The following MAG variants were observed in gnomAD, a reference collection of about 807,000 sequenced individuals.
MAG encodes myelin-associated glycoprotein.
A neutral mutation model predicts 60.7 loss-of-function variants in MAG; 30 were observed. The observed-to-expected ratio is 0.49, with a 90% CI of 0.37 to 0.67. MAG has a LOEUF of 0.67. Ranked by LOEUF, MAG falls within the 30% of genes least tolerant of loss-of-function variation. MAG has a pLI of 0.00. For synonymous variants in MAG, 384 were observed against 376.8 expected (o/e 1.02, Z -0.22); for missense variants, 795 against 851.7 (o/e 0.93, Z 0.83).
chr19:35,309,906 G>A lies in MAG; in HGVS notation c.1264G>A (p.Ala422Thr), dbSNP rs767621691. Residue 422 changes from alanine (A) to threonine (T), a missense_variant, in exon 8 of 11, where the codon GCG becomes ACG. Ala to Thr is a moderately conservative substitution (Grantham distance 58). Coordinates refer to ENST00000392213, the MANE Select transcript of MAG (RefSeq NM_002361.4). ...TGTGCTCCTCCTGGAGTCCCACTGC[G>A]CGGCAGCCCGAGACACGGTGCAGTG... ...APVLLLESHCAAARDTVQCLC... is the reference protein window; with the variant it reads ...APVLLLESHCTAARDTVQCLC... The A allele has an allele frequency of 3.7e-6, 6 of 1,612,990 alleles. No homozygotes were observed. In the Admixed American group the frequency reaches 6.7e-5, roughly 18 times the overall value.
Position 35,299,770 on chromosome 19 carries a change from A to G in MAG, c.632A>G (p.Asn211Ser), listed in dbSNP as rs2066432706. Residue 211 changes from asparagine (N) to serine (S), a missense_variant, in exon 5 of 11, where the codon AAC (asparagine) becomes AGC (serine). Transcript: ENST00000392213. ...LLHFVPTREA[N>S]GHRLGCQASF... ...CACTTCGTGCCCACGAGGGAGGCCA[A>G]CGGCCACAGGCTGGGCTGCCAGGCC... 6.5e-7 allele frequency: 1 copy of G among 1,550,108 alleles called. No individual in the cohort carries two copies. The highest frequency in any genetic ancestry group is 8.7e-7 in the Non-Finnish European group (1 of 1,151,612).
chr19:35,306,884 T>C (rs898095365), intron 7 of MAG, among the ~76,000 whole-genome samples: 2 of 152,214 alleles, frequency 1.3e-5, no homozygotes, highest in Non-Finnish European at 2.9e-5. Context: ...ACCCAGCCAG[T>C]AGATGGCAGA....
At position 35,299,803 on chromosome 19, in the gene MAG, C is replaced by T; in HGVS notation, c.665C>T (p.Pro222Leu). The T allele has an allele frequency of 6.5e-7, 1 of 1,539,288 alleles. No homozygotes were observed. Among genetic ancestry groups the T allele is most frequent in the Non-Finnish European group, 8.7e-7 (1 of 1,147,268 alleles). ...GHRLGCQASF[P>L]NTTLQFEGYA... ...AGGCTGGGCTGCCAGGCCTCCTTCC[C>T]CAACACCACCCTGCAGTTCGAGGGC... The change falls in exon 5 of 11, where the codon CCC becomes CTC. Residue 222 changes from proline to leucine, a missense_variant. Transcript: ENST00000392213.
chr19:35,313,192 G>T, intron 10 of MAG, 98 bp from the exon 11 acceptor site: 1 of 1,333,986 alleles, frequency 7.5e-7, no homozygotes, highest in Non-Finnish European at 1.0e-6. Context: ...ATTTATTTGG[G>T]ACTGAACTCA....
At chr19:35,298,194 A>G (rs2066417294) in intron 4 of MAG, among the ~76,000 whole-genome samples, 3 of 150,032 alleles carry the variant, frequency 2.0e-5, no homozygotes, top group African/African-American at 7.4e-5. Context: ...ACTACACCCT[A>G]TACACACTAC....
intron 4 of MAG, among the ~76,000 whole-genome samples, chr19:35,299,334 A>G (rs2066428246): frequency 6.6e-6 from 1 of 152,178 alleles, no homozygotes; most frequent in Non-Finnish European, 1.5e-5. Context: ...TGTGATTTTC[A>G]TTACGATGGC....
chr19:35,313,478 G>A lies in MAG; in HGVS notation c.*24G>A, dbSNP rs991513566. On this transcript the variant is annotated 3_prime_UTR_variant, in exon 11 of 11. Transcript: ENST00000392213. ...GAAGGAGCTGGGGGCAGCCTGCGTG[G>A]CTGACCCCCCTCAGGACCCTCGCTG... 1.9e-6 allele frequency: 3 copies of A among 1,597,080 alleles called. No individual in the cohort carries two copies. The highest frequency in any genetic ancestry group is 2.6e-6 in the Non-Finnish European group (3 of 1,172,622).
chr19:35,294,069 C>G (rs1450534053), intron 1 of MAG, among the ~76,000 whole-genome samples, 166 bp from the exon 2 acceptor site: 1 of 151,670 alleles, frequency 6.6e-6, no homozygotes, highest in Non-Finnish European at 1.5e-5. Context: ...GGAGTTGTTG[C>G]CAGAGAGTGG....
chr19:35,300,284 G>A lies in MAG; in HGVS notation c.850G>A (p.Val284Met), dbSNP rs146955682. 37 of 1,599,426 alleles carry A rather than the reference G, an allele frequency of 2.3e-5. No individual in the cohort carries two copies. The African/African-American group carries it at 4.5e-4, about 20-fold the overall frequency. ...GGACGGGACAGTCCTCCGGGAGGCG[G>A]TGGCCGAGAGCCTGCTCCTGGAGCT... ...MRDGTVLREA[V>M]AESLLLELEE... The change falls in exon 6 of 11, where the codon GTG (valine) becomes ATG (methionine). Residue 284 changes from valine (V) to methionine (M), a missense_variant. Coordinates refer to ENST00000392213, the MANE Select transcript of MAG (RefSeq NM_002361.4).
intron 2 of MAG, among the ~76,000 whole-genome samples, chr19:35,294,632 C>T (rs904587846): frequency 6.6e-6 from 1 of 152,184 alleles, no homozygotes; most frequent in African/African-American, 2.4e-5. Context: ...GTAATAGCAG[C>T]AGGCTGGGTG....
chr19:35,299,868 C>A lies in MAG; in HGVS notation c.712+18C>A. 1.5e-5 allele frequency: 2 copies of A among 133,182 alleles called. No homozygotes were observed. Among genetic ancestry groups the A allele is most frequent in the Non-Finnish European group, 2.1e-5 (2 of 97,486 alleles). 8.3% of individuals were successfully genotyped at this position (133,182 alleles called of 1,614,324 possible). ...CGTCAAGTGTGAGCCTGGGTGCGGGCGGGGCGGGGTGGGGCGGGGTGGGGC... is the reference window on the plus strand; with the variant it reads ...CGTCAAGTGTGAGCCTGGGTGCGGGAGGGGCGGGGTGGGGCGGGGTGGGGC... On this transcript the variant is annotated intron_variant, in intron 5 of 10. Coordinates refer to ENST00000392213, the MANE Select transcript of MAG (RefSeq NM_002361.4).
rs142036180 is a variant in MAG, at chr19:35,310,098, G to A, written c.1456G>A (p.Val486Ile). The part of the protein sequence containing the change: ...LRGQAQAPPR[V>I]ICTARNLYGA... ...GGGGCAGGCCCAGGCCCCGCCCCGC[G>A]TCATCTGCACCGCGAGGAACCTCTA... The change falls in exon 8 of 11, where the codon GTC becomes ATC. Residue 486 changes from valine to isoleucine, a missense_variant. Val to Ile is a conservative substitution (Grantham distance 29). Coordinates refer to ENST00000392213, the MANE Select transcript of MAG (RefSeq NM_002361.4). The A allele has an allele frequency of 1.4e-5, 23 of 1,612,780 alleles. No individual in the cohort carries two copies. Among genetic ancestry groups the A allele is most frequent in the African/African-American group, 2.7e-5 (2 of 74,920 alleles).
intron 1 of MAG, among the ~76,000 whole-genome samples, chr19:35,294,024 C>T (rs1362017111): frequency 6.6e-6 from 1 of 152,120 alleles, no homozygotes; most frequent in African/African-American, 2.4e-5. Flanking sequence ...GTTCCCCCTT[C>T]CCTCCCCACA....
At chr19:35,309,516 G>GATCC (rs2066509149) in intron 7 of MAG, among the ~76,000 whole-genome samples, 1 of 152,104 alleles carries the variant, frequency 6.6e-6, no homozygotes, top group Non-Finnish European at 1.5e-5. Context: ...GACCTCAAGT[G>GATCC]ATCCACTCAC....
chr19:35,313,491 A>G lies in MAG; in HGVS notation c.*37A>G, dbSNP rs1377088893. ...GCAGCCTGCGTGGCTGACCCCCCTCAGGACCCTCGCTGGCCCCCACTGGCT... is the reference window on the plus strand; with the variant it reads ...GCAGCCTGCGTGGCTGACCCCCCTCGGGACCCTCGCTGGCCCCCACTGGCT... On this transcript the variant is annotated 3_prime_UTR_variant, in exon 11 of 11. Coordinates refer to ENST00000392213, the MANE Select transcript of MAG (RefSeq NM_002361.4). 1.3e-6 allele frequency: 2 copies of G among 1,572,504 alleles called. No individual in the cohort carries two copies. Among genetic ancestry groups the G allele is most frequent in the South Asian group, 1.2e-5 (1 of 86,724 alleles).
Position 35,295,893 on chromosome 19 carries a change from C to CGAGCTG in MAG, c.329_334dup (p.Glu110_Leu111dup), listed in dbSNP as rs1334174383. ...CCCTCCTGCTCAGCAACGTCAGCCC[C>CGAGCTG]GAGCTGGGCGGGAAGTACTACTTCC... On this transcript the variant is annotated inframe_insertion, in exon 4 of 11. Coordinates refer to ENST00000392213, the MANE Select transcript of MAG (RefSeq NM_002361.4). The surrounding 1 kb of genome is among the most constrained non-coding windows in gnomAD (Gnocchi z 5.8). The CGAGCTG allele has an allele frequency of 1.2e-6, 2 of 1,613,908 alleles. No homozygotes were observed. Among genetic ancestry groups the CGAGCTG allele is most frequent in the Non-Finnish European group, 8.5e-7 (1 of 1,180,014 alleles).
chr19:35,311,277 G>A (rs191516316), intron 9 of MAG, among the ~76,000 whole-genome samples: 236 of 152,092 alleles, frequency 1.6e-3, no homozygotes, highest in Non-Finnish European at 2.0e-3. Flanking sequence ...AGGCCAGCCT[G>A]GGCAACATAG....
chr19:35,295,722 C>T lies in MAG; in HGVS notation c.156C>T (p.Pro52=), dbSNP rs772943178. The T allele has an allele frequency of 3.7e-6, 6 of 1,613,830 alleles. No individual in the cohort carries two copies. Among genetic ancestry groups the T allele is most frequent in the African/African-American group, 1.3e-5 (1 of 75,012 alleles). Residue 52 remains proline (P), a synonymous_variant, in exon 4 of 11, where the codon CCC becomes CCT. Coordinates refer to ENST00000392213, the MANE Select transcript of MAG (RefSeq NM_002361.4). This position sits in a 1 kb window ranked among gnomAD's most constrained non-coding sequence, Gnocchi z 5.8. The part of the protein sequence containing the change: ...CRFDFPDELR[P]AVVHGVWYFN... ...TTGACTTCCCGGATGAGCTGCGGCC[C>T]GCTGTGGTGCATGGTGTCTGGTACT... is the stretch of plus-strand genomic sequence containing the variant.
At position 35,295,716 on chromosome 19, in the gene MAG, G is replaced by C. The variant is rs200065531; in HGVS notation, c.150G>C (p.Leu50=). The change falls in exon 4 of 11, where the codon CTG becomes CTC. Residue 50 remains leucine (L), a synonymous_variant. Coordinates refer to ENST00000392213, the MANE Select transcript of MAG (RefSeq NM_002361.4). This position sits in a 1 kb window ranked among gnomAD's most constrained non-coding sequence, Gnocchi z 5.8. ...GCCGCTTTGACTTCCCGGATGAGCT[G>C]CGGCCCGCTGTGGTGCATGGTGTCT... ...IPCRFDFPDE[L]RPAVVHGVWY... 41 of 1,613,744 alleles carry C rather than the reference G, an allele frequency of 2.5e-5. No homozygotes were observed. The East Asian group carries it at 8.9e-4, about 35-fold the overall frequency.
Sources: gnomAD v4.1 joint callset for allele counts (sites outside exome capture counted in the v4.1 genomes callset) on GRCh38, gnomAD v4.1.1 for gene constraint, Gnocchi (gnomAD v3.1) non-coding constraint, MANE v1.5 for transcripts, NCBI Gene and HGNC (gene_info 2026-07-23, HGNC 2026-07-21) for gene names.